The following FGFR1OP2 variants were observed in gnomAD, a reference collection of about 807,000 sequenced individuals.
FGFR1OP2 encodes the protein fibroblast growth factor receptor 1 oncogene partner 2.
A neutral mutation model predicts 35.2 loss-of-function variants in FGFR1OP2; 17 were observed. The ratio of observed to expected loss-of-function variants is 0.48; its 90% CI spans 0.33 to 0.73. The LOEUF (loss-of-function observed/expected upper bound fraction) is 0.73, where lower values mean the gene tolerates loss of function less well. Among genes scored for constraint, FGFR1OP2 ranks in the 30% least tolerant of loss-of-function variants. FGFR1OP2 has a pLI of 0.02. For synonymous variants in FGFR1OP2, 105 were observed against 104.6 expected (o/e 1.00, Z -0.03); for missense variants, 251 against 307.3 (o/e 0.82, Z 1.37).
At chr12:26,941,278 A>C (rs1206527477) in intron 1 of FGFR1OP2, among the ~76,000 whole-genome samples, 1 of 152,182 alleles carries the variant, frequency 6.6e-6, no homozygotes, top group East Asian at 1.9e-4. Context: ...CTTGTTAGAG[A>C]GTTTGGAAAA....
chr12:26,951,480 C>A (rs894331998), intron 1 of FGFR1OP2, among the ~76,000 whole-genome samples: 12 of 152,092 alleles, frequency 7.9e-5, no homozygotes, highest in Admixed American at 1.3e-4. Flanking sequence ...CCACCACGCC[C>A]AGCTAATTTT....
At position 26,956,236 on chromosome 12, in the gene FGFR1OP2, G is replaced by A. The variant is rs1218994410; in HGVS notation, c.136-307G>A. On this transcript the variant is annotated intron_variant, in intron 2 of 6. Transcript: ENST00000229395. The stretch of plus-strand genomic sequence containing the variant: ...TGTCTTTTTCATTACAGTCATCCTC[G>A]TGGGATATATTGAATTGCATTCTCC... 2.6e-5 allele frequency among the ~76,000 whole-genome samples: 4 copies of A among 151,836 alleles called. No individual in the cohort carries two copies. The East Asian group carries it at 5.8e-4, about 22-fold the overall frequency.
In FGFR1OP2 at chr12:26,946,446, G is replaced by A. The variant is rs150072980; in HGVS notation, c.-14-7699G>A. Among the ~76,000 whole-genome samples the A allele has an allele frequency of 3.0e-3, 460 of 152,216 alleles. 3 individuals are homozygous for A. Among genetic ancestry groups the A allele is most frequent in the African/African-American group, 0.01 (432 of 41,532 alleles). On this transcript the variant is annotated intron_variant, in intron 1 of 6. Transcript: ENST00000229395. The stretch of plus-strand genomic sequence containing the variant: ...CTACCTCCACCTCCCAGCTAGCTGC[G>A]ACTGCAGGTGTGTACCACCACGCCC...
intron 3 of FGFR1OP2, among the ~76,000 whole-genome samples, chr12:26,957,084 C>G (rs989255332): frequency 2.6e-5 from 4 of 152,018 alleles, no homozygotes; most frequent in African/African-American, 9.7e-5. Flanking sequence ...TTTAAATCTT[C>G]TTCCCACAGC....
At chr12:26,953,278 A>G (rs533969715) in intron 1 of FGFR1OP2, among the ~76,000 whole-genome samples, 3 of 149,292 alleles carry the variant, frequency 2.0e-5, no homozygotes, top group Non-Finnish European at 4.4e-5. Flanking sequence ...CAAAAAAAAA[A>G]AAAAAAAAAA....
At chr12:26,950,220 T>G (rs896814298) in intron 1 of FGFR1OP2, among the ~76,000 whole-genome samples, 4 of 105,786 alleles carry the variant, frequency 3.8e-5, no homozygotes, top group African/African-American at 1.2e-4. Context: ...GTTGTTTTTT[T>G]TTTTTTTTTT....
At chr12:26,957,560 T>C in intron 3 of FGFR1OP2, 41 bp from the exon 4 acceptor site, 3 of 1,566,008 alleles carry the variant, frequency 1.9e-6, no homozygotes, top group Non-Finnish European at 2.6e-6. Flanking sequence ...TTGTGTACTT[T>C]TAACTCAAGT....
intron 1 of FGFR1OP2, 31 bp from the exon 2 acceptor site, chr12:26,954,109 CTTTAT>C (rs768554982): frequency 6.6e-5 from 95 of 1,449,102 alleles, no homozygotes; most frequent in South Asian, 2.0e-4. Context: ...GATATGTTGA[CTTTAT>C]TTTGAGTCTT....
chr12:26,964,753 GCTT>G lies in FGFR1OP2; in HGVS notation c.*24_*26del. ...AGCTGAAGAGTTTCTGAGTCTGTGA[GCTT>G]CTTACATGGCTCCAAATGGTCAAAT... On this transcript the variant is annotated 3_prime_UTR_variant, in exon 7 of 7. Coordinates refer to ENST00000229395, the MANE Select transcript of FGFR1OP2 (RefSeq NM_015633.3). 6.2e-7 allele frequency: 1 copy of G among 1,604,904 alleles called. No individual in the cohort carries two copies. The highest frequency in any genetic ancestry group is 8.5e-7 in the Non-Finnish European group (1 of 1,175,078).
At chr12:26,945,837 G>C (rs971241160) in intron 1 of FGFR1OP2, among the ~76,000 whole-genome samples, 1 of 150,714 alleles carries the variant, frequency 6.6e-6, no homozygotes, top group African/African-American at 2.4e-5. Flanking sequence ...CTCCAGCCTG[G>C]GCAACAAGAG....
intron 1 of FGFR1OP2, among the ~76,000 whole-genome samples, chr12:26,942,702 C>G (rs150011981): frequency 6.6e-6 from 1 of 152,190 alleles, no homozygotes; most frequent in South Asian, 2.1e-4. Flanking sequence ...TTGCATTTCT[C>G]TAATGGCTAA....
intron 1 of FGFR1OP2, among the ~76,000 whole-genome samples, chr12:26,948,250 G>A (rs73088763): frequency 0.13 from 19,228 of 152,158 alleles, 1,246 homozygotes; most frequent in South Asian, 0.16. Context: ...TACAATTTCA[G>A]TTGGTCTTCC....
Position 26,964,997 on chromosome 12 carries a change from G to A in FGFR1OP2, c.*264G>A. 3.3e-6 allele frequency: 1 copy of A among 301,574 alleles called. No individual in the cohort carries two copies. Among genetic ancestry groups the A allele is most frequent in the Non-Finnish European group, 6.1e-6 (1 of 164,736 alleles). 18.7% of individuals were successfully genotyped at this position (301,574 alleles called of 1,614,324 possible). A position where few individuals can be genotyped will look rare whatever the true frequency, so the allele number is the denominator to read the frequency against. On this transcript the variant is annotated 3_prime_UTR_variant, in exon 7 of 7. Transcript: ENST00000229395. The stretch of plus-strand genomic sequence containing the variant: ...ACTACTGAATATACCAAGAGCTTTT[G>A]GCAGTACTGCTGGCTTTCTGGGTGA...
At chr12:26,947,927 T>C (rs1247150718) in intron 1 of FGFR1OP2, among the ~76,000 whole-genome samples, 3 of 152,226 alleles carry the variant, frequency 2.0e-5, no homozygotes, top group East Asian at 1.9e-4. Context: ...TTTTGGGTTA[T>C]TGAACACTTT....
rs1463921591 is a variant in FGFR1OP2 at position 26,954,389 on chromosome 12, C to G, written c.135+96C>G. 3 of 1,413,464 alleles carry G rather than the reference C, an allele frequency of 2.1e-6. No homozygotes were observed. In the African/African-American group the frequency reaches 4.4e-5, roughly 21 times the overall value. 87.6% of individuals were successfully genotyped at this position (1,413,464 alleles called of 1,614,324 possible). A position where few individuals can be genotyped will look rare whatever the true frequency, so the allele number is the denominator to read the frequency against. On this transcript the variant is annotated intron_variant, in intron 2 of 6. Coordinates refer to ENST00000229395, the MANE Select transcript of FGFR1OP2 (RefSeq NM_015633.3). Reference sequence around the variant, plus strand: ...TTAGTATCTAATTTTTTTCAACATTCTCTAAAATTTTAAAGTAGCTTGACT... The same window carrying G: ...TTAGTATCTAATTTTTTTCAACATTGTCTAAAATTTTAAAGTAGCTTGACT...
At chr12:26,941,211 G>C (rs1047176689) in intron 1 of FGFR1OP2, among the ~76,000 whole-genome samples, 1 of 152,006 alleles carries the variant, frequency 6.6e-6, no homozygotes, top group Non-Finnish European at 1.5e-5. Context: ...TATAAAAATA[G>C]GCCGAAAAGT....
At chr12:26,942,078 G>A (rs1383287619) in intron 1 of FGFR1OP2, among the ~76,000 whole-genome samples, 3 of 152,212 alleles carry the variant, frequency 2.0e-5, no homozygotes, top group African/African-American at 7.2e-5. Flanking sequence ...TGTCGCCCAG[G>A]CTGGAGTGCA....
intron 1 of FGFR1OP2, among the ~76,000 whole-genome samples, chr12:26,945,856 C>T (rs540153964): frequency 9.3e-4 from 132 of 142,402 alleles, no homozygotes; most frequent in African/African-American, 3.0e-3. Context: ...AGTGAAACTC[C>T]GTCTCAAAAA....
chr12:26,942,082 G>T (rs1451598372), intron 1 of FGFR1OP2, among the ~76,000 whole-genome samples: 2 of 152,220 alleles, frequency 1.3e-5, no homozygotes, highest in Non-Finnish European at 2.9e-5. Flanking sequence ...GCCCAGGCTG[G>T]AGTGCAATGG....
Sources: gnomAD v4.1 joint callset for allele counts (sites outside exome capture counted in the v4.1 genomes callset) on GRCh38, gnomAD v4.1.1 for gene constraint, MANE v1.5 for transcripts, NCBI Gene and HGNC (gene_info 2026-07-23, HGNC 2026-07-21) for gene names.